Variants in TMTC3 observed in about 807,000 individuals in gnomAD.
The protein encoded by TMTC3 is transmembrane O-mannosyltransferase targeting cadherins 3, also known as protein O-mannosyl-transferase TMTC3.
TMTC3 carries 52 observed loss-of-function variants against 92.2 expected under a neutral mutation model. The observed-to-expected ratio is 0.56, with a 90% CI of 0.45 to 0.71. The LOEUF is 0.71. Ranked by LOEUF, TMTC3 falls within the 30% of genes least tolerant of loss-of-function variation. The probability of loss-of-function intolerance (pLI) is 0.00; values close to 1 mark genes in which losing one functional copy is unlikely to be tolerated. For missense variants in TMTC3, 896 were observed against 1,057.1 expected, an observed-to-expected ratio of 0.85 and a Z score of 2.11; for synonymous variants, 339 against 363.3, an observed-to-expected ratio of 0.93 and a Z score of 0.76.
chr12:88,160,808 A>C lies in TMTC3; in HGVS notation c.754A>C (p.Ile252Leu). Residue 252 changes from isoleucine (I) to leucine (L), a missense_variant, in exon 6 of 14, where the codon ATT (isoleucine) becomes CTT (leucine). Transcript: ENST00000266712. Reference sequence around the variant, plus strand: ...GTTCAGTACATTATTACTTGTTGTGATTAGAGTCCAGGTTATTCAATCCCA... The same window carrying C: ...GTTCAGTACATTATTACTTGTTGTGCTTAGAGTCCAGGTTATTCAATCCCA... ...LMFSTLLLVV[I>L]RVQVIQSQLP... 1 of 1,613,112 alleles carries C rather than the reference A, an allele frequency of 6.2e-7. No individual in the cohort carries two copies. Among genetic ancestry groups the C allele is most frequent in the African/African-American group, 1.3e-5 (1 of 74,982 alleles).
chr12:88,164,134 GAGCCA>G (rs1179144701), intron 6 of TMTC3, among the ~76,000 whole-genome samples: 2 of 146,646 alleles, frequency 1.4e-5, no homozygotes, highest in Admixed American at 7.0e-5. Flanking sequence ...AGGTTGCAGT[GAGCCA>G]AGACTGTGCC....
chr12:88,156,306 C>T (rs147831077), intron 4 of TMTC3, among the ~76,000 whole-genome samples: 13 of 152,218 alleles, frequency 8.5e-5, no homozygotes, highest in African/African-American at 2.6e-4. Flanking sequence ...AAGGCCAGGG[C>T]CACTCTTTGT....
At chr12:88,150,933 A>T (rs2040935402) in intron 2 of TMTC3, among the ~76,000 whole-genome samples, 1 of 152,030 alleles carries the variant, frequency 6.6e-6, no homozygotes, top group East Asian at 1.9e-4. Flanking sequence ...CAGTGTTTAG[A>T]TTATCTCTCT....
At chr12:88,172,891 A>T in intron 8 of TMTC3, 146 bp downstream of exon 8, 1 of 1,504,540 alleles carries the variant, frequency 6.6e-7, no homozygotes, top group Non-Finnish European at 8.9e-7. Flanking sequence ...TTGTCTTGTA[A>T]GTCAAGTTAG....
intron 8 of TMTC3, chr12:88,173,189 T>C: frequency 1.1e-6 from 1 of 910,718 alleles, no homozygotes; most frequent in South Asian, 1.8e-5. Context: ...GTATCCTAGT[T>C]GCCTCAAACT....
chr12:88,190,436 C>A lies in TMTC3; in HGVS notation c.1537-17C>A. Reference sequence around the variant, plus strand: ...ACTGAAATATCAAATCATGAAAATGCCTTTTCTTCTAAACAGATTATTCCT... The same window carrying A: ...ACTGAAATATCAAATCATGAAAATGACTTTTCTTCTAAACAGATTATTCCT... On this transcript the variant is annotated splice_polypyrimidine_tract_variant and intron_variant, in intron 11 of 13. Transcript: ENST00000266712. 1 of 1,604,816 alleles carries A rather than the reference C, an allele frequency of 6.2e-7. No homozygotes were observed. The highest frequency in any genetic ancestry group is 8.5e-7 in the Non-Finnish European group (1 of 1,174,474).
intron 2 of TMTC3, 68 bp downstream of exon 2, chr12:88,148,572 T>A: frequency 1.7e-6 from 2 of 1,173,010 alleles, no homozygotes; most frequent in Admixed American, 2.5e-5. Context: ...TTTTATTACT[T>A]CTAATTCTTT....
At chr12:88,182,024 A>G (rs2041323682) in intron 10 of TMTC3, among the ~76,000 whole-genome samples, 2 of 152,214 alleles carry the variant, frequency 1.3e-5, no homozygotes. Flanking sequence ...AGATCTAGAG[A>G]TAGGGGCAAT....
chr12:88,164,509 T>TA (rs919604159), intron 6 of TMTC3, among the ~76,000 whole-genome samples: 14 of 151,746 alleles, frequency 9.2e-5, no homozygotes, highest in Admixed American at 2.0e-4. Flanking sequence ...TCAGTATGTT[T>TA]AAAAAAAAAT....
intron 6 of TMTC3, 34 bp downstream of exon 6, chr12:88,160,885 T>C (rs2041070175): frequency 1.3e-6 from 2 of 1,515,888 alleles, no homozygotes; most frequent in Non-Finnish European, 1.8e-6. Flanking sequence ...TTCTCCATTC[T>C]TTTTTTTAAC....
At position 88,160,155 on chromosome 12, in the gene TMTC3, G is replaced by A; in HGVS notation, c.550G>A (p.Ala184Thr). The A allele has an allele frequency of 6.3e-7, 1 of 1,593,650 alleles. No individual in the cohort carries two copies. Among genetic ancestry groups the A allele is most frequent in the Non-Finnish European group, 8.5e-7 (1 of 1,172,566 alleles). The change falls in exon 5 of 14, where the codon GCA (alanine) becomes ACA (threonine). Residue 184 changes from alanine (A) to threonine (T), a missense_variant. Transcript: ENST00000266712. ...CTTGACAGTGTTTTTAGTGGCTGTTGCAACATTATGTAAAGAACAAGGAAT... is the reference window on the plus strand; with the variant it reads ...CTTGACAGTGTTTTTAGTGGCTGTTACAACATTATGTAAAGAACAAGGAAT... ...IALTVFLVAV[A>T]TLCKEQGITV... is the part of the protein sequence containing the mutation.
chr12:88,192,075 G>A (rs1292867043), intron 12 of TMTC3, among the ~76,000 whole-genome samples: 1 of 144,958 alleles, frequency 6.9e-6, no homozygotes, highest in East Asian at 2.0e-4. Flanking sequence ...CATTGATGAG[G>A]ACTAAATTAA....
intron 10 of TMTC3, among the ~76,000 whole-genome samples, chr12:88,183,946 G>T (rs2041346879): frequency 1.3e-5 from 2 of 152,104 alleles, no homozygotes; most frequent in Non-Finnish European, 1.5e-5. Context: ...TCCCAAGCGG[G>T]CACCAATGAC....
intron 8 of TMTC3, among the ~76,000 whole-genome samples, chr12:88,174,001 A>G (rs1195194289): frequency 6.6e-6 from 1 of 152,168 alleles, no homozygotes; most frequent in Non-Finnish European, 1.5e-5. Flanking sequence ...GAACAAAAAC[A>G]CAGACTCAGA....
chr12:88,181,672 G>C (rs1424538780), intron 10 of TMTC3, among the ~76,000 whole-genome samples: 1 of 152,176 alleles, frequency 6.6e-6, no homozygotes, highest in East Asian at 1.9e-4. Context: ...TGGACTTAAT[G>C]AGGGCTGTCT....
intron 8 of TMTC3, 196 bp downstream of exon 8, chr12:88,172,941 A>T (rs928564040): frequency 4.7e-6 from 7 of 1,474,822 alleles, no homozygotes; most frequent in Non-Finnish European, 5.4e-6. Flanking sequence ...GTTCTTCCCT[A>T]TATTTATGTA....
chr12:88,177,319 C>G (rs2041270514), intron 10 of TMTC3, among the ~76,000 whole-genome samples: 1 of 149,120 alleles, frequency 6.7e-6, no homozygotes, highest in African/African-American at 2.6e-5. Flanking sequence ...GAGTGATATA[C>G]TCTGTCTCAA....
chr12:88,168,996 G>A (rs1279505351), intron 7 of TMTC3, among the ~76,000 whole-genome samples: 1 of 152,160 alleles, frequency 6.6e-6, no homozygotes, highest in Non-Finnish European at 1.5e-5. Context: ...TGTGGATGTT[G>A]GTAGGTTTAG....
chr12:88,177,739 A>T lies in TMTC3; in HGVS notation c.1432+1420A>T, dbSNP rs141642722. ...GATGACCAAAAAGAAACCCCTGCACATTACTAAATATCCTTGAAGGGGTGC... is the reference window on the plus strand; with the variant it reads ...GATGACCAAAAAGAAACCCCTGCACTTTACTAAATATCCTTGAAGGGGTGC... On this transcript the variant is annotated intron_variant, in intron 10 of 13. Coordinates refer to ENST00000266712, the MANE Select transcript of TMTC3 (RefSeq NM_181783.4). Among the ~76,000 whole-genome samples, 20 of 152,326 alleles carry T rather than the reference A, an allele frequency of 1.3e-4. No individual in the cohort carries two copies. In the East Asian group the frequency reaches 3.9e-3, roughly 29 times the overall value.
Sources: gnomAD v4.1 joint callset for allele counts (sites outside exome capture counted in the v4.1 genomes callset) on GRCh38, gnomAD v4.1.1 for gene constraint, MANE v1.5 for transcripts, NCBI Gene and HGNC (gene_info 2026-07-23, HGNC 2026-07-21) for gene names.